CACHD1: variants seen among roughly 807,000 people sequenced by gnomAD.
CACHD1 encodes the protein cache domain containing 1, also known as VWFA and cache domain-containing protein 1.
In CACHD1, 71 loss-of-function variants were observed where a neutral mutation model predicts 138.7. The observed-to-expected ratio is 0.51, with a 90% CI of 0.42 to 0.62. The LOEUF (loss-of-function observed/expected upper bound fraction) is 0.62, where lower values mean the gene tolerates loss of function less well. Ranked by LOEUF, CACHD1 falls within the 20% of genes least tolerant of loss-of-function variation. The pLI, the probability that CACHD1 is intolerant of heterozygous loss-of-function variation, is 0.00. For synonymous variants in CACHD1, 578 were observed against 591.5 expected (o/e 0.98, Z 0.33); for missense variants, 1,389 against 1,625.3 (o/e 0.85, Z 2.50).
At chr1:64,568,769 C>T (rs1213556089) in intron 2 of CACHD1, among the ~76,000 whole-genome samples, 4 of 152,138 alleles carry the variant, frequency 2.6e-5, no homozygotes, top group African/African-American at 9.7e-5. Context: ...ATCCTGCTTA[C>T]ATACACTCAT....
chr1:64,508,194 T>G (rs1036330209), intron 1 of CACHD1, among the ~76,000 whole-genome samples: 1 of 152,072 alleles, frequency 6.6e-6, no homozygotes, highest in African/African-American at 2.4e-5. Flanking sequence ...AAGGGGGAAA[T>G]CCACCCACAT....
chr1:64,626,413 A>T (rs1209614345), intron 4 of CACHD1, among the ~76,000 whole-genome samples: 4 of 152,262 alleles, frequency 2.6e-5, no homozygotes, highest in Non-Finnish European at 4.4e-5. Flanking sequence ...AAAGTAAATG[A>T]AACATTAAAA....
chr1:64,516,811 C>T (rs1646462928), intron 1 of CACHD1, among the ~76,000 whole-genome samples: 1 of 152,208 alleles, frequency 6.6e-6, no homozygotes, highest in African/African-American at 2.4e-5. Flanking sequence ...AGACTTGTCT[C>T]TGAATTTGCT....
intron 2 of CACHD1, among the ~76,000 whole-genome samples, chr1:64,565,319 T>C (rs1444001724): frequency 6.6e-6 from 1 of 152,010 alleles, no homozygotes; most frequent in Admixed American, 6.6e-5. Context: ...TAAATGTTCA[T>C]TGAATGAATG....
intron 2 of CACHD1, among the ~76,000 whole-genome samples, chr1:64,552,936 G>T (rs1394389708): frequency 1.3e-5 from 2 of 152,138 alleles, no homozygotes; most frequent in African/African-American, 4.8e-5. Flanking sequence ...TTGTCAAAAA[G>T]TTCTTTTTTA....
intron 1 of CACHD1, among the ~76,000 whole-genome samples, chr1:64,527,424 G>A (rs767415230): frequency 2.6e-5 from 4 of 152,188 alleles, no homozygotes; most frequent in African/African-American, 9.7e-5. Context: ...GACAGTAGGC[G>A]TTTCTTCGGG....
At chr1:64,629,248 G>A in intron 4 of CACHD1, 107 bp from the exon 5 acceptor site, 1 of 1,229,968 alleles carries the variant, frequency 8.1e-7, no homozygotes, top group South Asian at 1.5e-5. Context: ...TATCTAGTGG[G>A]ATTTCTTCAT....
chr1:64,625,733 A>G (rs1255131678), intron 4 of CACHD1, among the ~76,000 whole-genome samples: 3 of 152,226 alleles, frequency 2.0e-5, no homozygotes, highest in Non-Finnish European at 4.4e-5. Flanking sequence ...ATATATCCAC[A>G]TAACAAAACT....
At chr1:64,669,564 G>A (rs921799447) in intron 16 of CACHD1, among the ~76,000 whole-genome samples, 1 of 152,172 alleles carries the variant, frequency 6.6e-6, no homozygotes. Flanking sequence ...GAGAAGGGTG[G>A]TGCTGCTAGA....
intron 6 of CACHD1, 106 bp downstream of exon 6, chr1:64,632,849 G>GTTTGACTTTACGAT: frequency 7.8e-7 from 1 of 1,276,892 alleles, no homozygotes. Flanking sequence ...ACTTACAATG[G>GTTTGACTTTACGAT]GGTTACATCC....
At chr1:64,500,717 T>TAAAAAAAAA (rs72436564) in intron 1 of CACHD1, among the ~76,000 whole-genome samples, 2 of 33,956 alleles carry the variant, frequency 5.9e-5, no homozygotes, top group African/African-American at 1.1e-4. Flanking sequence ...CCTTGTCTCT[T>TAAAAAAAAA]AAAAAAAAAA....
At chr1:64,527,490 C>G (rs993700299) in intron 1 of CACHD1, among the ~76,000 whole-genome samples, 3 of 152,106 alleles carry the variant, frequency 2.0e-5, no homozygotes, top group Non-Finnish European at 4.4e-5. Context: ...CTCACGCGGT[C>G]CTGTTGTGAA....
At chr1:64,558,423 A>C (rs773760742) in intron 2 of CACHD1, among the ~76,000 whole-genome samples, 3 of 152,124 alleles carry the variant, frequency 2.0e-5, no homozygotes, top group Non-Finnish European at 2.9e-5. Context: ...GCTGCAGCCC[A>C]CCTTGCTTCC....
At chr1:64,565,782 T>A (rs1412689310) in intron 2 of CACHD1, among the ~76,000 whole-genome samples, 1 of 152,208 alleles carries the variant, frequency 6.6e-6, no homozygotes, top group East Asian at 1.9e-4. Flanking sequence ...CAGGTATTAT[T>A]ATCCTATTTT....
chr1:64,483,750 G>A (rs571627774), intron 1 of CACHD1, among the ~76,000 whole-genome samples: 8 of 150,000 alleles, frequency 5.3e-5, no homozygotes, highest in East Asian at 2.0e-4. Context: ...TCATACCTCT[G>A]CTTAAAACTC....
rs1416455793 is a variant in CACHD1 at position 64,676,960 on chromosome 1, A to T, written c.3041A>T (p.Asp1014Val). The T allele has an allele frequency of 1.2e-6, 2 of 1,613,958 alleles. No homozygotes were observed. The highest frequency in any genetic ancestry group is 8.5e-7 in the Non-Finnish European group (1 of 1,179,966). ...ACAGCTATTGACCCTGGCCTGCAAGATGCTCTTCACCAGTGTGTCAACAGC... is the reference window on the plus strand; with the variant it reads ...ACAGCTATTGACCCTGGCCTGCAAGTTGCTCTTCACCAGTGTGTCAACAGC... ...TYTAIDPGLQ[D>V]ALHQCVNSRC... The change falls in exon 22 of 27, where the codon GAT (aspartate) becomes GTT (valine). Residue 1014 changes from aspartate to valine, a missense_variant. This residue lies in a region of CACHD1 where 250 missense variants were observed against 292.9 expected (regional missense o/e 0.85). Transcript: ENST00000651257.
intron 2 of CACHD1, among the ~76,000 whole-genome samples, chr1:64,558,086 C>T (rs1646812091): frequency 1.3e-5 from 2 of 152,178 alleles, no homozygotes; most frequent in Admixed American, 6.5e-5. Context: ...CATGAGCCAC[C>T]ACACCAGGCC....
In CACHD1 at chr1:64,641,894, A is replaced by C. The variant is rs770736958; in HGVS notation, c.1081A>C (p.Thr361Pro). 6.2e-7 allele frequency: 1 copy of C among 1,606,410 alleles called. No homozygotes were observed. The highest frequency in any genetic ancestry group is 1.1e-5 in the South Asian group (1 of 89,494). Residue 361 changes from threonine to proline, a missense_variant, in exon 8 of 27, where the codon ACT becomes CCT. This residue lies in a region of CACHD1 where 1,000 missense variants were observed against 1,114.7 expected (regional missense o/e 0.90). Coordinates refer to ENST00000651257, the MANE Select transcript of CACHD1 (RefSeq NM_020925.4). ...CTCTTCGGAAGAAGATAAAAAAGCG[A>C]CTCTCCAAGTCATCAATGAAGAAAA... is the stretch of plus-strand genomic sequence containing the variant. ...KDSSEEDKKATLQVINEENSF... is the reference protein window; with the variant it reads ...KDSSEEDKKAPLQVINEENSF...
rs372549604 is a variant in CACHD1, at chr1:64,673,272, G to C, written c.2610+15G>C. ...TCACCCACAAGGTATTTGTCACAAA[G>C]CTGAGCTGCTCAGTTCTCCAACCTC... On this transcript the variant is annotated intron_variant, in intron 18 of 26. Coordinates refer to ENST00000651257, the MANE Select transcript of CACHD1 (RefSeq NM_020925.4). The C allele has an allele frequency of 2.5e-6, 4 of 1,613,768 alleles. No individual in the cohort carries two copies. In the African/African-American group the frequency reaches 5.3e-5, roughly 22 times the overall value.
Sources: gnomAD v4.1 joint callset for allele counts (sites outside exome capture counted in the v4.1 genomes callset) on GRCh38, gnomAD v4.1.1 for gene constraint, gnomAD v4.1.1 regional missense constraint, MANE v1.5 for transcripts, NCBI Gene and HGNC (gene_info 2026-07-23, HGNC 2026-07-21) for gene names.